The following PLXDC2 variants were observed in gnomAD, a reference collection of about 807,000 sequenced individuals.
The protein encoded by PLXDC2 is plexin domain-containing protein 2.
Under a neutral mutation model 68.9 loss-of-function variants are expected in PLXDC2, and 40 were observed. The observed-to-expected ratio is 0.58, with a 90% CI of 0.45 to 0.76. PLXDC2 has a LOEUF of 0.76. PLXDC2 is among the 30% of genes least tolerant of loss of function. The pLI is 0.00. For synonymous variants in PLXDC2, 243 were observed against 234.2 expected (o/e 1.04, Z -0.34); for missense variants, 644 against 661.9 (o/e 0.97, Z 0.30).
At position 20,281,806 on chromosome 10, in the gene PLXDC2, C is replaced by A. The variant is rs1360042948; in HGVS notation, c.*1987C>A. 2.0e-5 allele frequency: 3 copies of A among 152,088 alleles called. No homozygotes were observed. The highest frequency in any genetic ancestry group is 7.2e-5 in the African/African-American group (3 of 41,416). 9.4% of individuals were successfully genotyped at this position (152,088 alleles called of 1,614,324 possible). ...AAATGACATGCCAATATTACTGGTG[C>A]AACTGGTATTCTACAAATGCATAAG... is the stretch of plus-strand genomic sequence containing the variant. On this transcript the variant is annotated 3_prime_UTR_variant, in exon 14 of 14. Transcript: ENST00000377252.
At chr10:20,008,650 T>C (rs1835064228) in intron 2 of PLXDC2, among the ~76,000 whole-genome samples, 1 of 152,178 alleles carries the variant, frequency 6.6e-6, no homozygotes, top group African/African-American at 2.4e-5. Flanking sequence ...CTCCATGTTA[T>C]GTTTGCGGTA....
chr10:19,909,134 T>A (rs969568495), intron 1 of PLXDC2, among the ~76,000 whole-genome samples: 14 of 152,164 alleles, frequency 9.2e-5, no homozygotes, highest in Admixed American at 4.6e-4. Flanking sequence ...CAAGTTTCTA[T>A]GGGTAAGAAC....
intron 1 of PLXDC2, among the ~76,000 whole-genome samples, chr10:19,819,498 C>A (rs955467534): frequency 4.6e-5 from 7 of 152,182 alleles, no homozygotes; most frequent in African/African-American, 1.7e-4. Flanking sequence ...AAAAGTCCAG[C>A]AGTCTTGACG....
intron 3 of PLXDC2, among the ~76,000 whole-genome samples, chr10:20,064,316 G>A (rs774539956): frequency 1.4e-4 from 21 of 151,424 alleles, no homozygotes; most frequent in Non-Finnish European, 2.4e-4. Flanking sequence ...CACCTCCCGG[G>A]TTCATGCCAT....
At chr10:20,246,637 A>G (rs990584543) in intron 13 of PLXDC2, among the ~76,000 whole-genome samples, 5 of 152,262 alleles carry the variant, frequency 3.3e-5, no homozygotes, top group African/African-American at 1.2e-4. Context: ...GGTGTGAGCC[A>G]TCGTGCCTGG....
At chr10:20,002,197 G>T (rs1016447977) in intron 2 of PLXDC2, among the ~76,000 whole-genome samples, 83 of 151,428 alleles carry the variant, frequency 5.5e-4, no homozygotes, top group African/African-American at 2.0e-3. Flanking sequence ...TTGGTGTGGT[G>T]ATGACAGTGA....
At chr10:20,270,499 A>G (rs2460569) in intron 13 of PLXDC2, among the ~76,000 whole-genome samples, 90,335 of 152,022 alleles carry the variant, frequency 0.59, 27,782 homozygotes, top group Middle Eastern at 0.76. Context: ...GAAGGATCAA[A>G]GATAACTTCA....
At chr10:20,158,803 G>A (rs1273681372) in intron 6 of PLXDC2, among the ~76,000 whole-genome samples, 1 of 152,092 alleles carries the variant, frequency 6.6e-6, no homozygotes, top group Non-Finnish European at 1.5e-5. Context: ...GAAAATATCA[G>A]GTGTGGAGAG....
At chr10:20,205,857 G>A (rs763840658) in intron 9 of PLXDC2, among the ~76,000 whole-genome samples, 5 of 152,062 alleles carry the variant, frequency 3.3e-5, no homozygotes, top group Non-Finnish European at 5.9e-5. Flanking sequence ...TTTCAGTTAG[G>A]AGGAATAAGT....
At chr10:19,895,914 T>C (rs1302896266) in intron 1 of PLXDC2, among the ~76,000 whole-genome samples, 1 of 152,070 alleles carries the variant, frequency 6.6e-6, no homozygotes, top group African/African-American at 2.4e-5. Context: ...AGCAAGACTC[T>C]GTCTCTAAAA....
Position 19,873,479 on chromosome 10 carries a change from T to A in PLXDC2, c.112+56288T>A, listed in dbSNP as rs1322020671. The stretch of plus-strand genomic sequence containing the variant: ...AGGCTGTAGTGCAGTGGCACAATCA[T>A]GGCTCAATGCAGCCTCAAACTCCTG... On this transcript the variant is annotated intron_variant, in intron 1 of 13. Transcript: ENST00000377252. Among the ~76,000 whole-genome samples, 3 of 147,196 alleles carry A rather than the reference T, an allele frequency of 2.0e-5. No individual in the cohort carries two copies. The East Asian group carries it at 6.3e-4, about 31-fold the overall frequency.
chr10:20,146,709 A>G (rs543522443), intron 5 of PLXDC2, among the ~76,000 whole-genome samples: 3 of 152,252 alleles, frequency 2.0e-5, no homozygotes, highest in South Asian at 4.1e-4. Flanking sequence ...CTTTACTTCA[A>G]CATCCTTTCA....
intron 7 of PLXDC2, 147 bp from the exon 8 acceptor site, chr10:20,176,852 T>C (rs1834533960): frequency 3.4e-6 from 2 of 586,536 alleles, no homozygotes; most frequent in African/African-American, 3.8e-5. Flanking sequence ...TTTTTACATA[T>C]TTTGTAATCA....
chr10:20,041,482 G>C (rs113263504), intron 2 of PLXDC2, among the ~76,000 whole-genome samples: 2,700 of 152,232 alleles, frequency 0.018, 77 homozygotes, highest in African/African-American at 0.061. Flanking sequence ...GAAAACCTCA[G>C]TAGGAAATTT....
intron 2 of PLXDC2, among the ~76,000 whole-genome samples, chr10:20,015,762 C>T (rs548077501): frequency 1.3e-5 from 2 of 152,240 alleles, no homozygotes; most frequent in African/African-American, 4.8e-5. Context: ...TTCTGGGCAC[C>T]ATAAATGGCA....
At chr10:19,881,259 AC>A (rs1837722496) in intron 1 of PLXDC2, among the ~76,000 whole-genome samples, 1 of 151,958 alleles carries the variant, frequency 6.6e-6, no homozygotes. Context: ...GGGATTACAG[AC>A]ATGTGCCACC....
chr10:19,843,702 T>A (rs760012901), intron 1 of PLXDC2, among the ~76,000 whole-genome samples: 13 of 152,156 alleles, frequency 8.5e-5, no homozygotes, highest in African/African-American at 1.2e-4. Context: ...CTCATTCATA[T>A]GTGGGAGCTA....
chr10:20,057,630 G>A (rs1836021854), intron 3 of PLXDC2, among the ~76,000 whole-genome samples: 2 of 151,782 alleles, frequency 1.3e-5, no homozygotes, highest in African/African-American at 4.8e-5. Context: ...AATGCCAACG[G>A]GACTGGAAGT....
intron 1 of PLXDC2, among the ~76,000 whole-genome samples, chr10:19,852,716 C>G (rs1837145616): frequency 1.3e-5 from 2 of 152,122 alleles, no homozygotes; most frequent in Non-Finnish European, 2.9e-5. Context: ...GGACTTTGTG[C>G]CATTTAGTTA....
Sources: gnomAD v4.1 joint callset for allele counts (sites outside exome capture counted in the v4.1 genomes callset) on GRCh38, gnomAD v4.1.1 for gene constraint, MANE v1.5 for transcripts, NCBI Gene and HGNC (gene_info 2026-07-23, HGNC 2026-07-21) for gene names.